Variants in MCTP1 observed in about 807,000 individuals in gnomAD.
MCTP1 encodes multiple C2 and transmembrane domain containing 1.
Under a neutral mutation model 120.6 loss-of-function variants are expected in MCTP1, and 69 were observed. The observed-to-expected ratio is 0.57, with a 90% confidence interval of 0.47 to 0.70. The LOEUF is 0.70. MCTP1 is among the 30% of genes least tolerant of loss of function. The probability of loss-of-function intolerance (pLI) is 0.00; values close to 1 mark genes in which losing one functional copy is unlikely to be tolerated. For synonymous variants in MCTP1, 529 were observed against 493.1 expected (o/e 1.07, Z -0.96); for missense variants, 1,203 against 1,248.8 (o/e 0.96, Z 0.55).
In MCTP1 at chr5:95,139,535, T is replaced by C. The variant is rs1304638286; in HGVS notation, c.721-122051A>G. ...TTTTCCCCTTTTTTTCCAAAGCTATTTTAGCCAAAGGAATTTTTAAAAGGA... is the reference window on the plus strand; with the variant it reads ...TTTTCCCCTTTTTTTCCAAAGCTATCTTAGCCAAAGGAATTTTTAAAAGGA... On this transcript the variant is annotated intron_variant, in intron 1 of 22. Transcript: ENST00000515393. 2.0e-5 allele frequency among the ~76,000 whole-genome samples: 3 copies of C among 152,364 alleles called. No individual in the cohort carries two copies. In the East Asian group the frequency reaches 5.8e-4, roughly 29 times the overall value.
chr5:95,137,556 A>G (rs776339981), intron 1 of MCTP1, among the ~76,000 whole-genome samples: 13 of 152,236 alleles, frequency 8.5e-5, no homozygotes, highest in Non-Finnish European at 1.6e-4. Context: ...TCTTATTTGC[A>G]TGGACATTGA....
intron 18 of MCTP1, among the ~76,000 whole-genome samples, chr5:94,791,011 G>A (rs1484840441): frequency 1.3e-5 from 2 of 148,688 alleles, no homozygotes; most frequent in East Asian, 2.0e-4. Context: ...GGTGCCTCGC[G>A]CCTGTAATCC....
chr5:95,078,126 A>G (rs959948943), intron 1 of MCTP1, among the ~76,000 whole-genome samples: 1 of 151,994 alleles, frequency 6.6e-6, no homozygotes, highest in Non-Finnish European at 1.5e-5. Flanking sequence ...TTTCAAAGAT[A>G]ATTTGTGGAG....
chr5:95,129,702 C>A (rs1381868858), intron 1 of MCTP1, among the ~76,000 whole-genome samples: 1 of 152,106 alleles, frequency 6.6e-6, no homozygotes, highest in African/African-American at 2.4e-5. Flanking sequence ...CTCTGTCACC[C>A]AGGCTGGAGT....
intron 6 of MCTP1, among the ~76,000 whole-genome samples, chr5:94,926,752 G>A (rs1300224019): frequency 6.6e-6 from 1 of 152,038 alleles, no homozygotes; most frequent in African/African-American, 2.4e-5. Context: ...TGCTATCCTG[G>A]AACCCAGTTA....
At chr5:94,840,585 G>A (rs1435821629) in intron 17 of MCTP1, among the ~76,000 whole-genome samples, 5 of 151,450 alleles carry the variant, frequency 3.3e-5, no homozygotes, top group African/African-American at 1.2e-4. Context: ...TTTTCTTTAT[G>A]TCTAGTTTTG....
At chr5:94,936,257 T>C (rs371732288) in intron 5 of MCTP1, among the ~76,000 whole-genome samples, 54 of 152,060 alleles carry the variant, frequency 3.6e-4, no homozygotes, top group African/African-American at 1.1e-3. Flanking sequence ...CCATACACCC[T>C]CCCTTGGTCT....
chr5:94,894,499 C>A, intron 11 of MCTP1, 150 bp downstream of exon 11: 1 of 508,030 alleles, frequency 2.0e-6, no homozygotes, highest in East Asian at 2.9e-5. Flanking sequence ...CGGCAAAGGT[C>A]TGTGTGGCAT....
In MCTP1 at chr5:94,952,171, C is replaced by CAAAAAAAAAAAAAAAAAAA. The variant is rs57358026; in HGVS notation, c.981+1029_981+1047dup. Among the ~76,000 whole-genome samples the CAAAAAAAAAAAAAAAAAAA allele has an allele frequency of 2.2e-4, 19 of 87,878 alleles. 2 individuals carry two copies. The highest frequency in any genetic ancestry group is 3.3e-4 in the Non-Finnish European group (15 of 46,108). The allele number at this position is 87,878 out of a possible 152,430, so 57.7% of individuals were successfully genotyped here. ...TGGGTGACAGAATGAGACTTTGTCG[C>CAAAAAAAAAAAAAAAAAAA]AAAAAAAAAAAAAAAAAAAAAAGCT... On this transcript the variant is annotated intron_variant, in intron 3 of 22. Transcript: ENST00000515393.
At chr5:95,043,341 C>G (rs937732688) in intron 1 of MCTP1, among the ~76,000 whole-genome samples, 1 of 152,164 alleles carries the variant, frequency 6.6e-6, no homozygotes, top group Non-Finnish European at 1.5e-5. Flanking sequence ...CACTGATCCT[C>G]TCATATGTTA....
chr5:95,188,118 A>G (rs1334511625), intron 1 of MCTP1, among the ~76,000 whole-genome samples: 2 of 152,220 alleles, frequency 1.3e-5, no homozygotes, highest in East Asian at 3.8e-4. Flanking sequence ...AAGATATTTT[A>G]CCAAGACAGA....
chr5:95,245,644 G>T (rs566392676), intron 1 of MCTP1, among the ~76,000 whole-genome samples: 84 of 151,738 alleles, frequency 5.5e-4, no homozygotes, highest in Non-Finnish European at 1.1e-3. Flanking sequence ...AGAGTGAAAA[G>T]AAATGAACAA....
intron 2 of MCTP1, among the ~76,000 whole-genome samples, chr5:94,980,410 A>G (rs896262017): frequency 3.9e-5 from 6 of 152,160 alleles, no homozygotes; most frequent in African/African-American, 1.4e-4. Context: ...CATATGACAC[A>G]TGATCATATA....
intron 1 of MCTP1, among the ~76,000 whole-genome samples, chr5:95,139,729 T>A: frequency 6.6e-6 from 1 of 152,210 alleles, no homozygotes; most frequent in East Asian, 1.9e-4. Flanking sequence ...TTATGAACAA[T>A]GTTAAGTGGT....
intron 17 of MCTP1, among the ~76,000 whole-genome samples, chr5:94,861,446 A>G (rs535590317): frequency 2.2e-4 from 34 of 151,898 alleles, no homozygotes; most frequent in Admixed American, 5.9e-4. Context: ...AGAACGGGGA[A>G]TGAAAACACA....
intron 1 of MCTP1, among the ~76,000 whole-genome samples, chr5:95,138,188 T>A (rs1012167895): frequency 5.3e-5 from 8 of 152,196 alleles, no homozygotes; most frequent in African/African-American, 1.9e-4. Context: ...GAACTCACTA[T>A]GATTGTGTAC....
At chr5:94,780,498 A>C (rs1282832551) in intron 18 of MCTP1, among the ~76,000 whole-genome samples, 2 of 112 alleles carry the variant, frequency 0.018, no homozygotes, top group African/African-American at 0.056. Context: ...AACCTGTGAG[A>C]CTGTCTTAAT....
At chr5:94,821,895 G>A (rs1785742340) in intron 17 of MCTP1, among the ~76,000 whole-genome samples, 1 of 152,150 alleles carries the variant, frequency 6.6e-6, no homozygotes, top group African/African-American at 2.4e-5. Flanking sequence ...TATGTTGTTT[G>A]AGGGTGAGCT....
At chr5:95,047,047 G>A (rs1321061424) in intron 1 of MCTP1, among the ~76,000 whole-genome samples, 1 of 152,118 alleles carries the variant, frequency 6.6e-6, no homozygotes. Flanking sequence ...GTCTGACATG[G>A]TGAGCACTCT....
Sources: gnomAD v4.1 joint callset for allele counts (sites outside exome capture counted in the v4.1 genomes callset) on GRCh38, gnomAD v4.1.1 for gene constraint, MANE v1.5 for transcripts, NCBI Gene and HGNC (gene_info 2026-07-23, HGNC 2026-07-21) for gene names.